FBRSL1: variants seen among roughly 807,000 people sequenced by gnomAD.
The protein encoded by FBRSL1 is fibrosin-1-like protein.
Under a neutral mutation model 89.6 loss-of-function variants are expected in FBRSL1, and 51 were observed. The observed-to-expected ratio is 0.57, with a 90% CI of 0.45 to 0.72. The LOEUF is 0.72. FBRSL1 is among the 30% of genes least tolerant of loss of function. The pLI is 0.00. For synonymous variants in FBRSL1, 779 were observed against 681.1 expected, an observed-to-expected ratio of 1.14 and a Z score of -2.24; for missense variants, 1,618 against 1,451.8, an observed-to-expected ratio of 1.11 and a Z score of -1.86.
intron 2 of FBRSL1, 121 bp from the exon 3 acceptor site, chr12:132,525,613 G>A (rs918927194): frequency 3.7e-5 from 28 of 761,110 alleles, no homozygotes; most frequent in East Asian, 2.7e-4. Context: ...AGCGGCTGTC[G>A]GGGCGCCTGG....
chr12:132,490,846 C>T lies in FBRSL1; in HGVS notation c.276C>T (p.Thr92=), dbSNP rs1295502941. Residue 92 remains threonine (T), a synonymous_variant, in exon 1 of 19, where the codon ACC becomes ACT. Transcript: ENST00000680143. The stretch of plus-strand genomic sequence containing the variant: ...GCTTCGCCATCGCCAGCTTCAGCAC[C>T]CTGGAGGCCCTGGAGGTAGGTGGAC... ...IDGFAIASFS[T]LEALEKDMAL... The T allele has an allele frequency of 1.3e-5, 18 of 1,412,234 alleles. No individual in the cohort carries two copies. The highest frequency in any genetic ancestry group is 1.5e-5 in the Non-Finnish European group (16 of 1,078,722). 87.5% of individuals were successfully genotyped at this position (1,412,234 alleles called of 1,614,324 possible). A position where few individuals can be genotyped will look rare whatever the true frequency, so the allele number is the denominator to read the frequency against.
At chr12:132,504,271 G>A (rs2033394202) in intron 1 of FBRSL1, among the ~76,000 whole-genome samples, 2 of 152,222 alleles carry the variant, frequency 1.3e-5, no homozygotes, top group African/African-American at 4.8e-5. Context: ...GTGTGCTGAG[G>A]TAGAATTATT....
intron 4 of FBRSL1, among the ~76,000 whole-genome samples, chr12:132,544,152 C>T (rs2037489067): frequency 6.6e-6 from 1 of 152,186 alleles, no homozygotes; most frequent in African/African-American, 2.4e-5. Context: ...TTTAAGTGGT[C>T]TAGGGGCCCC....
chr12:132,541,215 C>T (rs1007242033), intron 4 of FBRSL1, among the ~76,000 whole-genome samples: 1 of 151,906 alleles, frequency 6.6e-6, no homozygotes, highest in African/African-American at 2.4e-5. Flanking sequence ...TGCAAATCCA[C>T]TGTCAGCCTG....
At position 132,570,375 on chromosome 12, in the gene FBRSL1, T is replaced by TCGCTGTCGCCACACGGGC; in HGVS notation, c.1051_1068dup (p.Leu351_Pro356dup). Reference sequence around the variant, plus strand: ...CCCCCTGGGCCTGGGGAAGCACGTGTCGCTGTCGCCACACGGGCCGGGCCC... The same window carrying TCGCTGTCGCCACACGGGC: ...CCCCCTGGGCCTGGGGAAGCACGTGTCGCTGTCGCCACACGGGCCGCTGTCGCCACACGGGCCGGGCCC... On this transcript the variant is annotated inframe_insertion, in exon 8 of 19. Transcript: ENST00000680143. The TCGCTGTCGCCACACGGGC allele has an allele frequency of 6.5e-7, 1 of 1,533,474 alleles. No individual in the cohort carries two copies. Among genetic ancestry groups the TCGCTGTCGCCACACGGGC allele is most frequent in the South Asian group, 1.2e-5 (1 of 83,578 alleles). 95.0% of individuals were successfully genotyped at this position (1,533,474 alleles called of 1,614,324 possible).
At chr12:132,567,611 A>T (rs2039718436) in intron 6 of FBRSL1, 85 bp downstream of exon 6, 1 of 1,371,984 alleles carries the variant, frequency 7.3e-7, no homozygotes, top group Non-Finnish European at 1.0e-6. Flanking sequence ...ATCCCCCTGA[A>T]GTCAGGGGAG....
intron 2 of FBRSL1, chr12:132,509,428 C>G: frequency 8.1e-7 from 1 of 1,241,724 alleles, no homozygotes; most frequent in Non-Finnish European, 1.0e-6. Flanking sequence ...CCCGGTCAGC[C>G]CTGCCGGCCC....
intron 2 of FBRSL1, among the ~76,000 whole-genome samples, chr12:132,517,526 G>A (rs982654561): frequency 1.3e-5 from 2 of 152,236 alleles, no homozygotes; most frequent in East Asian, 3.8e-4. Flanking sequence ...TGCTGCCCTC[G>A]AGAAGTTAAA....
At chr12:132,534,985 GGGAGATGCCTGACCAA>G (rs1017432917) in intron 4 of FBRSL1, among the ~76,000 whole-genome samples, 14 of 152,380 alleles carry the variant, frequency 9.2e-5, no homozygotes, top group African/African-American at 3.1e-4. Context: ...CCACAGGGCA[GGGAGATGCCTGACCAA>G]GGAGGGTGGC....
At chr12:132,578,845 G>T (rs1593595849) in intron 15 of FBRSL1, among the ~76,000 whole-genome samples, 1 of 152,392 alleles carries the variant, frequency 6.6e-6, no homozygotes, top group South Asian at 2.1e-4. Flanking sequence ...GGCGTGCCCA[G>T]CAGCCACATG....
chr12:132,542,677 G>C (rs1041178191), intron 4 of FBRSL1, among the ~76,000 whole-genome samples: 1 of 152,186 alleles, frequency 6.6e-6, no homozygotes, highest in African/African-American at 2.4e-5. Context: ...TAGACCCTCC[G>C]CAGGACAGCC....
At chr12:132,536,600 A>G (rs1017012055) in intron 4 of FBRSL1, among the ~76,000 whole-genome samples, 2 of 151,446 alleles carry the variant, frequency 1.3e-5, no homozygotes, top group South Asian at 4.2e-4. Flanking sequence ...GCACGTGTAC[A>G]TGACGGTGTG....
rs1566241478 is a variant in FBRSL1 at position 132,576,878 on chromosome 12, T to C, written c.1781T>C (p.Phe594Ser). 1 of 1,550,278 alleles carries C rather than the reference T, an allele frequency of 6.5e-7. No individual in the cohort carries two copies. The highest frequency in any genetic ancestry group is 8.7e-7 in the Non-Finnish European group (1 of 1,146,620). The change falls in exon 15 of 19, where the codon TTT (phenylalanine) becomes TCT (serine). Residue 594 changes from phenylalanine to serine, a missense_variant. By Grantham distance (155) the Phe-to-Ser change is radical (BLOSUM62 -2). Transcript: ENST00000680143. ...LFGRPPAPGV[F>S]AGFHYPQDLA... ...GGCAGACCCCCTGCCCCGGGCGTGT[T>C]TGCAGGCTTCCACTACCCACAGGAC...
chr12:132,555,016 C>T (rs189863221), intron 5 of FBRSL1: 1 of 152,316 alleles, frequency 6.6e-6, no homozygotes, highest in African/African-American at 2.4e-5. Flanking sequence ...TGAAGACAAG[C>T]TTGTGTGGCC....
intron 1 of FBRSL1, among the ~76,000 whole-genome samples, chr12:132,504,773 T>G (rs2033472158): frequency 6.6e-6 from 1 of 152,146 alleles, no homozygotes; most frequent in Non-Finnish European, 1.5e-5. Flanking sequence ...CTCTTGTGTC[T>G]TCATTCGACA....
At chr12:132,492,494 C>T (rs2031211037) in intron 1 of FBRSL1, among the ~76,000 whole-genome samples, 1 of 152,288 alleles carries the variant, frequency 6.6e-6, no homozygotes, top group Non-Finnish European at 1.5e-5. Flanking sequence ...GGTCTGGTGC[C>T]GGGAAGAGCT....
At position 132,570,121 on chromosome 12, in the gene FBRSL1, G is replaced by A. The variant is rs937394316; in HGVS notation, c.887G>A (p.Arg296His). ...AAGAAGGAACCCCCCGCCCCGCACC[G>A]CCACACCCCGCAGCCGCCACCCCCG... is the stretch of plus-strand genomic sequence containing the variant. ...LVKKEPPAPH[R>H]HTPQPPPPQP... The change falls in exon 7 of 19, where the codon CGC becomes CAC. Residue 296 changes from arginine (R) to histidine (H), a missense_variant. Arg to His is a conservative substitution (Grantham distance 29). Transcript: ENST00000680143. 1.9e-5 allele frequency: 28 copies of A among 1,472,526 alleles called. No individual in the cohort carries two copies. The highest frequency in any genetic ancestry group is 2.0e-4 in the Middle Eastern group (1 of 4,908). 91.2% of individuals were successfully genotyped at this position (1,472,526 alleles called of 1,614,324 possible). A position where few individuals can be genotyped will look rare whatever the true frequency, so the allele number is the denominator to read the frequency against.
At chr12:132,558,760 T>C (rs572191372) in intron 5 of FBRSL1, among the ~76,000 whole-genome samples, 9 of 152,346 alleles carry the variant, frequency 5.9e-5, no homozygotes, top group African/African-American at 1.2e-4. Flanking sequence ...GGCTCCGCCA[T>C]GGATAGGCCC....
At chr12:132,507,861 G>A (rs1274924396) in intron 1 of FBRSL1, among the ~76,000 whole-genome samples, 1 of 152,118 alleles carries the variant, frequency 6.6e-6, no homozygotes, top group East Asian at 1.9e-4. Context: ...GCCCTGGGCT[G>A]GCCTCCTGTG....
Sources: allele counts gnomAD v4.1 joint callset (sites outside exome capture counted in the v4.1 genomes callset), GRCh38; gene constraint gnomAD v4.1.1; transcripts MANE v1.5; gene names NCBI Gene and HGNC (gene_info 2026-07-23, HGNC 2026-07-21).